CCND2: variants seen among roughly 807,000 people sequenced by gnomAD.
CCND2 encodes the protein G1/S-specific cyclin-D2.
A neutral mutation model predicts 30.2 loss-of-function variants in CCND2; 6 were observed. The ratio of observed to expected loss-of-function variants is 0.20; its 90% CI spans 0.11 to 0.39. The LOEUF is 0.39. Ranked by LOEUF, CCND2 falls within the 10% of genes least tolerant of loss-of-function variation. The probability of loss-of-function intolerance (pLI) is 1.00; values close to 1 mark genes in which losing one functional copy is unlikely to be tolerated. For missense variants in CCND2, 235 were observed against 373.4 expected, an observed-to-expected ratio of 0.63 and a Z score of 3.06; for synonymous variants, 150 against 153.1, an observed-to-expected ratio of 0.98 and a Z score of 0.15.
intron 1 of CCND2, 129 bp from the exon 2 acceptor site, chr12:4,275,876 C>T: frequency 1.7e-6 from 1 of 595,258 alleles, no homozygotes; most frequent in Non-Finnish European, 2.9e-6. Context: ...ATTCTGGTCC[C>T]CTCCCCCTCC....
Position 4,273,916 on chromosome 12 carries a change from C to CT in CCND2, c.-125_-124insT. On this transcript the variant is annotated 5_prime_UTR_variant, in exon 1 of 5. Coordinates refer to ENST00000261254, the MANE Select transcript of CCND2 (RefSeq NM_001759.4). The surrounding 1 kb of genome is among the most constrained non-coding windows in gnomAD (Gnocchi z 5.9). ...TCTGCCCTCACCTCTCCCCCGAAAA[C>CT]CCCCTATTTAGCCAAAGGAAGGAGG... 2.2e-6 allele frequency: 2 copies of CT among 904,418 alleles called. No individual in the cohort carries two copies. The highest frequency in any genetic ancestry group is 3.3e-6 in the Non-Finnish European group (2 of 608,902). 56.0% of individuals were successfully genotyped at this position (904,418 alleles called of 1,614,324 possible).
chr12:4,298,256 G>A (rs1331947099), intron 4 of CCND2, among the ~76,000 whole-genome samples: 5 of 152,136 alleles, frequency 3.3e-5, no homozygotes, highest in African/African-American at 4.8e-5. Flanking sequence ...GTGATATTTC[G>A]TCTCTGCCTT....
rs1266418818 is a variant in CCND2, at chr12:4,274,187, G to A, written c.147G>A (p.Lys49=). 3 of 1,614,150 alleles carry A rather than the reference G, an allele frequency of 1.9e-6. No individual in the cohort carries two copies. In the South Asian group the frequency reaches 3.3e-5, roughly 18 times the overall value. Residue 49 remains lysine (K), a synonymous_variant, in exon 1 of 5, where the codon AAG becomes AAA. Transcript: ENST00000261254. This position sits in a 1 kb window ranked among gnomAD's most constrained non-coding sequence, Gnocchi z 7.7. ...PQCSYFKCVQ[K]DIQPYMRRMV... is the part of the protein sequence containing the mutation. The stretch of plus-strand genomic sequence containing the variant: ...GCTCCTACTTCAAGTGCGTGCAGAA[G>A]GACATCCAACCCTACATGCGCAGAA...
At chr12:4,294,167 G>C (rs1294087390) in intron 4 of CCND2, among the ~76,000 whole-genome samples, 1 of 152,042 alleles carries the variant, frequency 6.6e-6, no homozygotes, top group Non-Finnish European at 1.5e-5. Context: ...AGGCAGAGGA[G>C]GGTGCAGGGC....
At position 4,303,515 on chromosome 12, in the gene CCND2, CTGTT is replaced by C. The variant is rs1455436227; in HGVS notation, c.*3512_*3515del. The C allele has an allele frequency of 4.3e-6, 1 of 233,564 alleles. No individual in the cohort carries two copies. The highest frequency in any genetic ancestry group is 8.5e-6 in the Non-Finnish European group (1 of 118,076). The allele number at this position is 233,564 out of a possible 1,614,324, so 14.5% of individuals were successfully genotyped here. On this transcript the variant is annotated 3_prime_UTR_variant, in exon 5 of 5. Transcript: ENST00000261254. The surrounding 1 kb of genome is among the most constrained non-coding windows in gnomAD (Gnocchi z 4.6). ...GTTTCTATCTCGTCTTTACTTCCAT[CTGTT>C]TGTTTTTTTCTCCATCAGTGGGGGC...
chr12:4,301,133 GTGT>G lies in CCND2; in HGVS notation c.*1126_*1128del, dbSNP rs1239427473. On this transcript the variant is annotated 3_prime_UTR_variant, in exon 5 of 5. Transcript: ENST00000261254. ...TGGCGTTCTTTGGTACACAGTTCTGGTGTTCCTACCAGGACTCAAGAGACACCC... is the reference window on the plus strand; with the variant it reads ...TGGCGTTCTTTGGTACACAGTTCTGGTCCTACCAGGACTCAAGAGACACCC... The G allele has an allele frequency of 1.7e-5, 4 of 233,382 alleles. No individual in the cohort carries two copies. The highest frequency in any genetic ancestry group is 6.6e-5 in the African/African-American group (3 of 45,324). The allele number at this position is 233,382 out of a possible 1,614,324, so 14.5% of individuals were successfully genotyped here. A position where few individuals can be genotyped will look rare whatever the true frequency, so the allele number is the denominator to read the frequency against.
In CCND2 at chr12:4,293,681, C is replaced by T. The variant is rs544802412; in HGVS notation, c.720+4691C>T. ...CTATTAAAAAGCAGGGAGGTGGAGGCGCCGTGGAAGAAGTCTCAGTTTCGA... is the reference window on the plus strand; with the variant it reads ...CTATTAAAAAGCAGGGAGGTGGAGGTGCCGTGGAAGAAGTCTCAGTTTCGA... On this transcript the variant is annotated intron_variant, in intron 4 of 4. Coordinates refer to ENST00000261254, the MANE Select transcript of CCND2 (RefSeq NM_001759.4). The surrounding 1 kb of genome is among the most constrained non-coding windows in gnomAD (Gnocchi z 4.9). Among the ~76,000 whole-genome samples the T allele has an allele frequency of 2.6e-5, 4 of 152,238 alleles. No homozygotes were observed. The South Asian group carries it at 6.2e-4, about 24-fold the overall frequency.
intron 3 of CCND2, among the ~76,000 whole-genome samples, chr12:4,281,871 C>T (rs1439602883): frequency 1.3e-5 from 2 of 149,798 alleles, no homozygotes; most frequent in Non-Finnish European, 2.9e-5. Context: ...CTTCCCTGCT[C>T]AGCCTAAAAT....
intron 3 of CCND2, among the ~76,000 whole-genome samples, chr12:4,283,498 C>A (rs1437788758): frequency 2.0e-5 from 3 of 152,220 alleles, no homozygotes; most frequent in Admixed American, 6.5e-5. Context: ...CCAACACTCA[C>A]AGTGAGTGAC....
At chr12:4,295,205 C>T (rs752444704) in intron 4 of CCND2, among the ~76,000 whole-genome samples, 6 of 152,200 alleles carry the variant, frequency 3.9e-5, no homozygotes, top group South Asian at 2.1e-4. Flanking sequence ...CAGAGAGTAG[C>T]GTTCAACATC....
At chr12:4,298,060 T>C (rs1280857561) in intron 4 of CCND2, 4 of 217,930 alleles carry the variant, frequency 1.8e-5, no homozygotes, top group South Asian at 5.9e-5. Context: ...TTTATTGTTA[T>C]ACATAATCAC....
chr12:4,296,328 T>TC (rs1342316144), intron 4 of CCND2, among the ~76,000 whole-genome samples: 2 of 152,208 alleles, frequency 1.3e-5, no homozygotes, highest in African/African-American at 4.8e-5. Context: ...CAAGGCAGGA[T>TC]CGGCCGGGAG....
At position 4,274,510 on chromosome 12, in the gene CCND2, C is replaced by G. The variant is rs1863835910; in HGVS notation, c.195+275C>G. Among the ~76,000 whole-genome samples, 1 of 152,222 alleles carries G rather than the reference C, an allele frequency of 6.6e-6. No homozygotes were observed. Among genetic ancestry groups the G allele is most frequent in the Non-Finnish European group, 1.5e-5 (1 of 68,044 alleles). ...CCCGCGCGCGTGTTCCTGCATGTGG[C>G]TGCCTCTTCTTCCCACCCCCCTCGC... On this transcript the variant is annotated intron_variant, in intron 1 of 4. Coordinates refer to ENST00000261254, the MANE Select transcript of CCND2 (RefSeq NM_001759.4). The surrounding 1 kb of genome is among the most constrained non-coding windows in gnomAD (Gnocchi z 7.7).
chr12:4,284,284 A>G (rs944944757), intron 3 of CCND2, among the ~76,000 whole-genome samples: 3 of 152,248 alleles, frequency 2.0e-5, no homozygotes, highest in African/African-American at 7.2e-5. Context: ...TGCTGTTGTC[A>G]TTATTTGCAG....
rs1003248271 is a variant in CCND2 at position 4,292,901 on chromosome 12, G to A, written c.720+3911G>A. 2.6e-5 allele frequency among the ~76,000 whole-genome samples: 4 copies of A among 152,114 alleles called. No individual in the cohort carries two copies. The East Asian group carries it at 5.8e-4, about 22-fold the overall frequency. ...CTTCCATCCCCTCTGCACACTAGTCGGGCTGCGTGCCAGCATTGATCTCAC... is the reference window on the plus strand; with the variant it reads ...CTTCCATCCCCTCTGCACACTAGTCAGGCTGCGTGCCAGCATTGATCTCAC... On this transcript the variant is annotated intron_variant, in intron 4 of 4. Transcript: ENST00000261254.
At chr12:4,296,203 T>C (rs538346821) in intron 4 of CCND2, among the ~76,000 whole-genome samples, 9 of 152,366 alleles carry the variant, frequency 5.9e-5, no homozygotes, top group African/African-American at 1.9e-4. Context: ...TGGCTGGCAA[T>C]GGTTAATTCA....
At chr12:4,279,394 C>CTT (rs79476081) in intron 3 of CCND2, among the ~76,000 whole-genome samples, 3,777 of 140,556 alleles carry the variant, frequency 0.027, 166 homozygotes, top group African/African-American at 0.092. Context: ...CAAAGAAATT[C>CTT]TTTTTTTTTT....
rs962296658 is a variant in CCND2, at chr12:4,303,405, TTTG to T, written c.*3408_*3410del. On this transcript the variant is annotated 3_prime_UTR_variant, in exon 5 of 5. Transcript: ENST00000261254. The surrounding 1 kb of genome is among the most constrained non-coding windows in gnomAD (Gnocchi z 4.6). The stretch of plus-strand genomic sequence containing the variant: ...CCCCCTTGGATTTGAACTTGCTCTT[TTTG>T]TTGTTGTTGTTCTTTCTCTTCTTTT... The T allele has an allele frequency of 4.3e-5, 10 of 233,528 alleles. No individual in the cohort carries two copies. The highest frequency in any genetic ancestry group is 1.8e-4 in the South Asian group (1 of 5,528). 14.5% of individuals were successfully genotyped at this position (233,528 alleles called of 1,614,324 possible).
rs576979922 is a variant in CCND2 at position 4,283,111 on chromosome 12, T to C, written c.571+4192T>C. Among the ~76,000 whole-genome samples, 9 of 152,350 alleles carry C rather than the reference T, an allele frequency of 5.9e-5. No homozygotes were observed. In the East Asian group the frequency reaches 1.7e-3, roughly 29 times the overall value. ...GGCAGGACCATGTATTCCGTGGTTT[T>C]AAACTTACTTAGCTCTGAACTCTTT... is the stretch of plus-strand genomic sequence containing the variant. On this transcript the variant is annotated intron_variant, in intron 3 of 4. Transcript: ENST00000261254.
Sources: allele counts gnomAD v4.1 joint callset (sites outside exome capture counted in the v4.1 genomes callset), GRCh38; gene constraint gnomAD v4.1.1; non-coding constraint Gnocchi (gnomAD v3.1); transcripts MANE v1.5; gene names NCBI Gene and HGNC (gene_info 2026-07-23, HGNC 2026-07-21).